RORA: variants seen among roughly 807,000 people sequenced by gnomAD.
RORA encodes the protein RAR related orphan receptor A, also known as nuclear receptor ROR-alpha.
A neutral mutation model predicts 69.5 loss-of-function variants in RORA; 7 were observed. The ratio of observed to expected loss-of-function variants is 0.10; its 90% CI spans 0.06 to 0.19. The LOEUF is 0.19. Ranked by LOEUF, RORA falls within the 10% of genes least tolerant of loss-of-function variation. The pLI is 1.00. For synonymous variants in RORA, 261 were observed against 240.8 expected (o/e 1.08, Z -0.78); for missense variants, 457 against 663.0 (o/e 0.69, Z 3.41).
At chr15:60,811,780 T>C (rs371279773) in intron 1 of RORA, among the ~76,000 whole-genome samples, 115 of 151,850 alleles carry the variant, frequency 7.6e-4, no homozygotes, top group African/African-American at 2.7e-3. Context: ...TTATAATCTG[T>C]ACCTTTCAAA....
intron 1 of RORA, among the ~76,000 whole-genome samples, chr15:60,957,262 CT>C (rs1168046456): frequency 6.6e-6 from 1 of 152,202 alleles, no homozygotes; most frequent in Non-Finnish European, 1.5e-5. Context: ...TATAAGAGTG[CT>C]TTAAAAATGT....
intron 1 of RORA, among the ~76,000 whole-genome samples, chr15:61,031,588 A>G (rs1257205040): frequency 1.3e-5 from 2 of 152,132 alleles, no homozygotes; most frequent in African/African-American, 4.8e-5. Context: ...TTGGGGGAGG[A>G]TAAGGGTTAC....
At chr15:60,678,568 A>C in intron 2 of RORA, 89 bp downstream of exon 2, 1 of 952,900 alleles carries the variant, frequency 1.0e-6, no homozygotes, top group Non-Finnish European at 1.7e-6. Flanking sequence ...CTGAAACATT[A>C]GTATATACTT....
At chr15:61,165,548 T>C (rs1234453132) in intron 1 of RORA, among the ~76,000 whole-genome samples, 1 of 152,186 alleles carries the variant, frequency 6.6e-6, no homozygotes, top group Non-Finnish European at 1.5e-5. Flanking sequence ...AATTCCATTC[T>C]AAATGCCAAT....
chr15:61,158,620 C>T (rs2079466601), intron 1 of RORA, among the ~76,000 whole-genome samples: 1 of 152,174 alleles, frequency 6.6e-6, no homozygotes, highest in African/African-American at 2.4e-5. Flanking sequence ...TTATTTACTG[C>T]TCATCCGCTC....
intron 1 of RORA, among the ~76,000 whole-genome samples, chr15:61,204,318 T>C (rs1310014184): frequency 6.6e-6 from 1 of 152,166 alleles, no homozygotes; most frequent in South Asian, 2.1e-4. Flanking sequence ...AACTGGCACT[T>C]AGGAGGTGCT....
intron 1 of RORA, among the ~76,000 whole-genome samples, chr15:60,879,790 G>C (rs932666215): frequency 5.3e-5 from 8 of 152,160 alleles, no homozygotes; most frequent in African/African-American, 1.9e-4. Context: ...AAAAGGAAAT[G>C]CTTTTAAATG....
chr15:61,061,425 G>A lies in RORA; in HGVS notation c.166+167628C>T, dbSNP rs72754787. Among the ~76,000 whole-genome samples, 1,196 of 152,090 alleles carry A rather than the reference G, an allele frequency of 7.9e-3. 11 individuals are homozygous for A. The highest frequency in any genetic ancestry group is 0.02 in the Middle Eastern group (6 of 294). ...CAAGGGCATCGCAGGAAGTCCTGAT[G>A]TCAAGGTAATGCGGCCAGGCATATC... On this transcript the variant is annotated intron_variant, in intron 1 of 10. Transcript: ENST00000335670. This position sits in a 1 kb window ranked among gnomAD's most constrained non-coding sequence, Gnocchi z 4.4.
chr15:61,103,084 C>G (rs1051189676), intron 1 of RORA, among the ~76,000 whole-genome samples: 1 of 152,222 alleles, frequency 6.6e-6, no homozygotes, highest in African/African-American at 2.4e-5. Flanking sequence ...CCCGTATTCC[C>G]TAACTCCTTT....
rs531002575 is a variant in RORA, at chr15:60,567,130, T to C, written c.197-35279A>G. On this transcript the variant is annotated intron_variant, in intron 2 of 10. Transcript: ENST00000335670. ...AGCTAGCCTATGAGTTTTTAAAATA[T>C]GTTTCTAGCCATTAATAACCAGGGA... 5.0e-4 allele frequency among the ~76,000 whole-genome samples: 76 copies of C among 152,092 alleles called. 1 individual carries two copies. In the East Asian group the frequency reaches 8.3e-3, roughly 17 times the overall value.
At chr15:60,797,638 CT>C (rs1244401310) in intron 1 of RORA, among the ~76,000 whole-genome samples, 1 of 152,152 alleles carries the variant, frequency 6.6e-6, no homozygotes, top group African/African-American at 2.4e-5. Context: ...TCGCACTCTG[CT>C]TATGAGATAT....
At chr15:60,817,517 C>T (rs962366636) in intron 1 of RORA, among the ~76,000 whole-genome samples, 2 of 152,146 alleles carry the variant, frequency 1.3e-5, no homozygotes, top group African/African-American at 4.8e-5. Flanking sequence ...TAACTATAGT[C>T]CCCAGGCTGT....
intron 1 of RORA, among the ~76,000 whole-genome samples, chr15:61,036,478 G>A (rs1896464188): frequency 6.6e-6 from 1 of 152,066 alleles, no homozygotes; most frequent in African/African-American, 2.4e-5. Context: ...TTGTATTTGG[G>A]GTGGGCGTCC....
chr15:60,698,926 G>T (rs965182228), intron 1 of RORA, among the ~76,000 whole-genome samples: 1 of 151,902 alleles, frequency 6.6e-6, no homozygotes, highest in Admixed American at 6.6e-5. Context: ...TTCCTCTTTT[G>T]TTAATCGCCT....
intron 1 of RORA, among the ~76,000 whole-genome samples, chr15:60,983,469 T>A (rs544763159): frequency 6.6e-6 from 1 of 152,304 alleles, no homozygotes; most frequent in South Asian, 2.1e-4. Context: ...CTTTCTAGTT[T>A]TTTCCTGATC....
At chr15:61,056,290 C>T (rs1207603647) in intron 1 of RORA, among the ~76,000 whole-genome samples, 1 of 152,176 alleles carries the variant, frequency 6.6e-6, no homozygotes, top group Non-Finnish European at 1.5e-5. Flanking sequence ...TTATTGGCAT[C>T]CTTCCATTAG....
intron 2 of RORA, among the ~76,000 whole-genome samples, chr15:60,611,180 A>G (rs1211070233): frequency 1.3e-5 from 2 of 152,152 alleles, no homozygotes; most frequent in African/African-American, 2.4e-5. Flanking sequence ...ATTATTACAT[A>G]GACAGTGGGG....
intron 1 of RORA, among the ~76,000 whole-genome samples, chr15:61,189,600 G>A (rs188888910): frequency 6.6e-6 from 1 of 152,086 alleles, no homozygotes; most frequent in Non-Finnish European, 1.5e-5. Flanking sequence ...GCTCACACCT[G>A]TAATCCCAAA....
chr15:61,004,899 AC>A (rs1894866365), intron 1 of RORA, among the ~76,000 whole-genome samples: 1 of 152,210 alleles, frequency 6.6e-6, no homozygotes, highest in Non-Finnish European at 1.5e-5. Context: ...GAAAGATAAT[AC>A]CAATGTTGAT....
Sources: gnomAD v4.1 joint callset for allele counts (sites outside exome capture counted in the v4.1 genomes callset) on GRCh38, gnomAD v4.1.1 for gene constraint, Gnocchi (gnomAD v3.1) non-coding constraint, MANE v1.5 for transcripts, NCBI Gene and HGNC (gene_info 2026-07-23, HGNC 2026-07-21) for gene names.